Variants in ZNF335 observed in about 807,000 individuals in gnomAD.
ZNF335 encodes the protein zinc finger protein 335.
ZNF335 carries 84 observed loss-of-function variants against 145.6 expected under a neutral mutation model. The observed-to-expected ratio is 0.58, with a 90% CI of 0.48 to 0.69. ZNF335 has a LOEUF of 0.69. ZNF335 is among the 30% of genes least tolerant of loss of function. The probability of loss-of-function intolerance (pLI) is 0.00; values close to 1 mark genes in which losing one functional copy is unlikely to be tolerated. For missense variants in ZNF335, 1,865 were observed against 1,809.7 expected, an observed-to-expected ratio of 1.03 and a Z score of -0.55; for synonymous variants, 761 against 717.0, an observed-to-expected ratio of 1.06 and a Z score of -0.98.
chr20:45,967,718 G>C lies in ZNF335; in HGVS notation c.814+16C>G, dbSNP rs1488171925. The C allele has an allele frequency of 1.7e-5, 27 of 1,608,256 alleles. No individual in the cohort carries two copies. In the East Asian group the frequency reaches 5.8e-4, roughly 35 times the overall value. ...CTACCCATGCAGTCCAAGCAGGTAG[G>C]CTGCTACTGACGCACCTGGACGGAA... On this transcript the variant is annotated intron_variant, in intron 5 of 27. Transcript: ENST00000322927.
chr20:45,959,398 TG>T lies in ZNF335; in HGVS notation c.2055del (p.Phe685LeufsTer48). On this transcript the variant is annotated frameshift_variant, in exon 15 of 28. Transcript: ENST00000322927. LOFTEE classifies it high-confidence loss of function. ...AKPFACEYCH[F>X]STRHKKNLRL... ...CGCAGGTTCTTCTTGTGCCGTGTGC[TG>T]AAGTGGCAGTACTCACAGGCGAAGG... is the stretch of plus-strand genomic sequence containing the variant. The T allele has an allele frequency of 6.6e-7, 1 of 1,523,576 alleles. No homozygotes were observed. Among genetic ancestry groups the T allele is most frequent in the Admixed American group, 1.9e-5 (1 of 51,570 alleles). The allele number at this position is 1,523,576 out of a possible 1,614,324, so 94.4% of individuals were successfully genotyped here.
In ZNF335 at chr20:45,950,067, C is replaced by T; in HGVS notation, c.3490G>A (p.Ala1164Thr). ...AGGACCCCGTGACTGGACTGGAGTG[C>T]AGCTGGGCAGAGAGGAGAGGATGCT... The part of the protein sequence containing the change: ...DDETLATLHT[A>T]LQSSHGVLGP... The change falls in exon 23 of 28, where the codon GCA (alanine) becomes ACA (threonine). Residue 1164 changes from alanine (A) to threonine (T), a missense_variant and splice_region_variant. Ala to Thr is a moderately conservative substitution (Grantham distance 58). Coordinates refer to ENST00000322927, the MANE Select transcript of ZNF335 (RefSeq NM_022095.4). 2 of 1,613,464 alleles carry T rather than the reference C, an allele frequency of 1.2e-6. No individual in the cohort carries two copies. The highest frequency in any genetic ancestry group is 8.5e-7 in the Non-Finnish European group (1 of 1,179,788).
chr20:45,958,649 G>A (rs1055442022), intron 15 of ZNF335, among the ~76,000 whole-genome samples: 1 of 152,212 alleles, frequency 6.6e-6, no homozygotes. Flanking sequence ...CCAGCTCCAA[G>A]ACATTTCTCA....
intron 20 of ZNF335, among the ~76,000 whole-genome samples, chr20:45,951,576 A>G (rs2083632793): frequency 6.6e-6 from 1 of 152,290 alleles, no homozygotes; most frequent in East Asian, 1.9e-4. Context: ...AGATTCTTAG[A>G]AGGAGTGTGT....
chr20:45,959,867 G>A (rs1046258848), intron 14 of ZNF335, among the ~76,000 whole-genome samples: 11 of 152,206 alleles, frequency 7.2e-5, no homozygotes, highest in African/African-American at 2.4e-4. Flanking sequence ...CTCCTCTCCA[G>A]CCCCAGTGCC....
chr20:45,956,588 T>C (rs1329439854), intron 17 of ZNF335, among the ~76,000 whole-genome samples: 1 of 152,076 alleles, frequency 6.6e-6, no homozygotes, highest in Non-Finnish European at 1.5e-5. Flanking sequence ...CACATGAGAT[T>C]GGCATGGGAA....
intron 2 of ZNF335, among the ~76,000 whole-genome samples, chr20:45,970,806 G>T (rs912782827): frequency 1.3e-5 from 2 of 148,304 alleles, no homozygotes; most frequent in Admixed American, 6.8e-5. Context: ...GCCCAAGCTG[G>T]TCTCCAACTC....
At position 45,950,557 on chromosome 20, in the gene ZNF335, C is replaced by G. The variant is rs1194262541; in HGVS notation, c.3228G>C (p.Gln1076His). 6.2e-7 allele frequency: 1 copy of G among 1,614,160 alleles called. No homozygotes were observed. The highest frequency in any genetic ancestry group is 8.5e-7 in the Non-Finnish European group (1 of 1,180,040). ...MAQHSSLRPH[Q>H]CSQCSFASKN... The stretch of plus-strand genomic sequence containing the variant: ...TGGAGGCAAAGCTGCACTGGCTACA[C>G]TGGTGGGGCCGTAGGCTTGAGTGCT... The change falls in exon 21 of 28, where the codon CAG (glutamine) becomes CAC (histidine). Residue 1076 changes from glutamine (Q) to histidine (H), a missense_variant. Coordinates refer to ENST00000322927, the MANE Select transcript of ZNF335 (RefSeq NM_022095.4).
Position 45,965,186 on chromosome 20 carries a change from G to A in ZNF335, c.1102+442C>T, listed in dbSNP as rs912321770. Among the ~76,000 whole-genome samples the A allele has an allele frequency of 6.6e-5, 10 of 152,148 alleles. No individual in the cohort carries two copies. The South Asian group carries it at 1.5e-3, about 22-fold the overall frequency. ...TCCATGCATAAATAAAGGGACTGGA[G>A]ATTTAAGCTCCAAGTCACACAGACT... On this transcript the variant is annotated intron_variant, in intron 7 of 27. Coordinates refer to ENST00000322927, the MANE Select transcript of ZNF335 (RefSeq NM_022095.4).
rs780574647 is a variant in ZNF335, at chr20:45,949,906, A to G, written c.3592-29T>C. On this transcript the variant is annotated intron_variant, in intron 23 of 27. Transcript: ENST00000322927. ...CCAGGACCAAGACAGCTCTAGCCTC[A>G]TTTCTCTACCCCAACCCCTGCCTGT... is the stretch of plus-strand genomic sequence containing the variant. 3 of 1,613,858 alleles carry G rather than the reference A, an allele frequency of 1.9e-6. No individual in the cohort carries two copies. The African/African-American group carries it at 4.0e-5, about 22-fold the overall frequency.
At chr20:45,949,276 G>A (rs749847885) in intron 26 of ZNF335, 25 bp from the exon 27 acceptor site, 4 of 1,613,944 alleles carry the variant, frequency 2.5e-6, no homozygotes, top group African/African-American at 1.3e-5. Context: ...CTGATAAGAT[G>A]CTGGCCTGGA....
chr20:45,963,368 T>C, intron 9 of ZNF335, 105 bp downstream of exon 9: 1 of 1,314,130 alleles, frequency 7.6e-7, no homozygotes, highest in Non-Finnish European at 1.0e-6. Flanking sequence ...CAGGAGAGCG[T>C]GACCCAGAAT....
rs377754090 is a variant in ZNF335, at chr20:45,959,323, G to A, written c.2131C>T (p.Arg711Cys). The A allele has an allele frequency of 9.7e-5, 153 of 1,581,762 alleles. 1 individual carries two copies. Among genetic ancestry groups the A allele is most frequent in the Non-Finnish European group, 1.1e-4 (133 of 1,161,440 alleles). ...CGGGAGGGGGGCTCCTCAGGGTGGCGCCTCCCCCATTCCTCGAAGCTGCTT... is the reference window on the plus strand; with the variant it reads ...CGGGAGGGGGGCTCCTCAGGGTGGCACCTCCCCCATTCCTCGAAGCTGCTT... The part of the protein sequence containing the change: ...HASSFEEWGR[R>C]HPEEPPSRRR... The change falls in exon 15 of 28, where the codon CGC becomes TGC. Residue 711 changes from arginine (R) to cysteine (C), a missense_variant. Arg to Cys is a radical substitution (Grantham distance 180). Transcript: ENST00000322927.
rs753460205 is a variant in ZNF335 at position 45,952,664 on chromosome 20, GTCAC to G, written c.2744_2747del (p.Ser915ThrfsTer3). The G allele has an allele frequency of 1.3e-4, 211 of 1,613,832 alleles. No homozygotes were observed. The highest frequency in any genetic ancestry group is 3.0e-4 in the Admixed American group (18 of 60,024). On this transcript the variant is annotated frameshift_variant, in exon 19 of 28. Transcript: ENST00000322927. LOFTEE classifies it high-confidence loss of function. The stretch of plus-strand genomic sequence containing the variant: ...AGTGGGTGCCAGCTTCTTTTAGGGT[GTCAC>G]TCACAACCACAGCCTGGGCTGCCTC...
At position 45,965,706 on chromosome 20, in the gene ZNF335, G is replaced by A. The variant is rs755494320; in HGVS notation, c.1024C>T (p.Pro342Ser). The change falls in exon 7 of 28, where the codon CCC becomes TCC. Residue 342 changes from proline (P) to serine (S), a missense_variant. By Grantham distance (74) the Pro-to-Ser change is moderately conservative. Coordinates refer to ENST00000322927, the MANE Select transcript of ZNF335 (RefSeq NM_022095.4). Reference sequence around the variant, plus strand: ...CTCCTTCGGGGCCTTGGGGTACTGGGGGTGGGGCGCTGGAGCCGAAGCTGC... The same window carrying A: ...CTCCTTCGGGGCCTTGGGGTACTGGAGGTGGGGCGCTGGAGCCGAAGCTGC... ...GRQLRLQRPT[P>S]STPRPRRRPG... 8 of 1,605,516 alleles carry A rather than the reference G, an allele frequency of 5.0e-6. No homozygotes were observed. The highest frequency in any genetic ancestry group is 1.7e-5 in the Admixed American group (1 of 59,250).
At chr20:45,956,734 C>T (rs930527815) in intron 17 of ZNF335, among the ~76,000 whole-genome samples, 10 of 151,766 alleles carry the variant, frequency 6.6e-5, no homozygotes, top group Non-Finnish European at 1.3e-4. Flanking sequence ...AAAAAAAAAT[C>T]GATCCCTACC....
chr20:45,957,518 CCA>C lies in ZNF335; in HGVS notation c.2442+66_2442+67del, dbSNP rs954123761. 7 of 1,451,682 alleles carry C rather than the reference CCA, an allele frequency of 4.8e-6. No individual in the cohort carries two copies. The African/African-American group carries it at 9.8e-5, about 20-fold the overall frequency. 89.9% of individuals were successfully genotyped at this position (1,451,682 alleles called of 1,614,324 possible). A position where few individuals can be genotyped will look rare whatever the true frequency, so the allele number is the denominator to read the frequency against. On this transcript the variant is annotated intron_variant, in intron 17 of 27. Coordinates refer to ENST00000322927, the MANE Select transcript of ZNF335 (RefSeq NM_022095.4). ...TCTGATACACTGTTTTCCTCTAGTC[CCA>C]GTGTCCAGTGCAGGGCTGGGTACCT...
Position 45,952,590 on chromosome 20 carries a change from A to G in ZNF335, c.2814+8T>C, listed in dbSNP as rs748767301. On this transcript the variant is annotated splice_region_variant and intron_variant, in intron 19 of 27. Coordinates refer to ENST00000322927, the MANE Select transcript of ZNF335 (RefSeq NM_022095.4). ...GGTGGGGGAGTGGTTGGCATCCCCA[A>G]GCCTCACCTCAATGTGGTGCAACTG... The G allele has an allele frequency of 2.2e-5, 36 of 1,613,630 alleles. No individual in the cohort carries two copies. The highest frequency in any genetic ancestry group is 2.7e-5 in the Non-Finnish European group (32 of 1,179,896).
chr20:45,960,554 C>T (rs560210181), intron 12 of ZNF335, 29 bp from the exon 13 acceptor site: 44 of 1,613,646 alleles, frequency 2.7e-5, no homozygotes, highest in Non-Finnish European at 3.4e-5. Context: ...AGTGAGATGG[C>T]GATCACCCTC....
Sources: allele counts gnomAD v4.1 joint callset (sites outside exome capture counted in the v4.1 genomes callset), GRCh38; gene constraint gnomAD v4.1.1; transcripts MANE v1.5; gene names NCBI Gene and HGNC (gene_info 2026-07-23, HGNC 2026-07-21).